Variants in HGF observed in about 807,000 individuals in gnomAD.
HGF encodes hepatocyte growth factor, also known as fibroblast-derived tumor cytotoxic factor.
A neutral mutation model predicts 111.6 loss-of-function variants in HGF; 39 were observed. The observed-to-expected ratio is 0.35, with a 90% confidence interval of 0.27 to 0.46. The LOEUF is 0.46. HGF is among the 20% of genes least tolerant of loss of function. The probability of loss-of-function intolerance (pLI) is 1.00; values close to 1 mark genes in which losing one functional copy is unlikely to be tolerated. For missense variants in HGF, 735 were observed against 910.5 expected, an observed-to-expected ratio of 0.81 and a Z score of 2.48; for synonymous variants, 285 against 294.8, an observed-to-expected ratio of 0.97 and a Z score of 0.34.
intron 15 of HGF, 37 bp downstream of exon 15, chr7:81,706,250 C>A: frequency 1.2e-6 from 2 of 1,600,118 alleles, no homozygotes; most frequent in Non-Finnish European, 1.7e-6. Flanking sequence ...CAATTCTTGT[C>A]CAGGTGAAAA....
chr7:81,736,732 G>A (rs1272030261), intron 7 of HGF: 2 of 476,366 alleles, frequency 4.2e-6, no homozygotes, highest in Admixed American at 2.2e-5. Flanking sequence ...GAAAATCATT[G>A]TGGCTGGAAC....
intron 2 of HGF, among the ~76,000 whole-genome samples, chr7:81,759,407 A>T (rs1331344934): frequency 4.6e-5 from 7 of 152,244 alleles, no homozygotes; most frequent in African/African-American, 1.4e-4. Flanking sequence ...TTTTTGGTGA[A>T]TTATAAAACA....
At position 81,754,950 on chromosome 7, in the gene HGF, G is replaced by A. The variant is rs557205667; in HGVS notation, c.482+2239C>T. On this transcript the variant is annotated intron_variant, in intron 4 of 17. Coordinates refer to ENST00000222390, the MANE Select transcript of HGF (RefSeq NM_000601.6). Reference sequence around the variant, plus strand: ...GGTTCTCTGTCCTTGCTGTTGGCAAGGCTTTAAGAGAGACAAGTGAGGAAA... The same window carrying A: ...GGTTCTCTGTCCTTGCTGTTGGCAAAGCTTTAAGAGAGACAAGTGAGGAAA... Among the ~76,000 whole-genome samples the A allele has an allele frequency of 4.6e-5, 7 of 152,182 alleles. No homozygotes were observed. The East Asian group carries it at 1.4e-3, about 29-fold the overall frequency.
rs141894869 is a variant in HGF at position 81,769,017 on chromosome 7, GTTCCCACTCTTTTA to G, written c.88+853_88+866del. Among the ~76,000 whole-genome samples, 675 of 152,180 alleles carry G rather than the reference GTTCCCACTCTTTTA, an allele frequency of 4.4e-3. 9 individuals carry two copies. Among genetic ancestry groups the G allele is most frequent in the African/African-American group, 0.016 (649 of 41,514 alleles). Reference sequence around the variant, plus strand: ...AGGCCATGTCTCCATCTGGGCATTTGTTCCCACTCTTTTATTCCCCTGCGCCTACCCTTGATATT... The same window carrying G: ...AGGCCATGTCTCCATCTGGGCATTTGTTCCCCTGCGCCTACCCTTGATATT... On this transcript the variant is annotated intron_variant, in intron 1 of 17. Coordinates refer to ENST00000222390, the MANE Select transcript of HGF (RefSeq NM_000601.6).
At chr7:81,735,618 TAA>T (rs1188861251) in intron 7 of HGF, among the ~76,000 whole-genome samples, 2 of 152,152 alleles carry the variant, frequency 1.3e-5, no homozygotes, top group East Asian at 1.9e-4. Flanking sequence ...TATGTTCTTT[TAA>T]AGTTATGTCC....
At chr7:81,722,854 T>TATATATATATACAC (rs1256240012) in intron 9 of HGF, among the ~76,000 whole-genome samples, 2 of 145,664 alleles carry the variant, frequency 1.4e-5, no homozygotes, top group African/African-American at 5.3e-5. Flanking sequence ...GGTATATATA[T>TATATATATATACAC]ATATATATGT....
At position 81,734,252 on chromosome 7, in the gene HGF, G is replaced by T. The variant is rs573172577; in HGVS notation, c.866-4473C>A. On this transcript the variant is annotated intron_variant, in intron 7 of 17. Coordinates refer to ENST00000222390, the MANE Select transcript of HGF (RefSeq NM_000601.6). ...TCCAACAAAGAAAACATTTTGCCAG[G>T]GGTATCAGCAGTGGCTACCCATTGG... is the stretch of plus-strand genomic sequence containing the variant. Among the ~76,000 whole-genome samples, 8 of 152,220 alleles carry T rather than the reference G, an allele frequency of 5.3e-5. No individual in the cohort carries two copies. In the East Asian group the frequency reaches 1.5e-3, roughly 29 times the overall value.
At position 81,729,752 on chromosome 7, in the gene HGF, A is replaced by C. The variant is rs775912518; in HGVS notation, c.893T>G (p.Val298Gly). 4.3e-6 allele frequency: 7 copies of C among 1,613,900 alleles called. No individual in the cohort carries two copies. The highest frequency in any genetic ancestry group is 5.9e-6 in the Non-Finnish European group (7 of 1,179,990). ...CADNTMNDTD[V>G]PLETTECIQG... Reference sequence around the variant, plus strand: ...GATGCATTCAGTTGTTTCCAAAGGAACATCAGTGTCATTCATAGTATTGTC... The same window carrying C: ...GATGCATTCAGTTGTTTCCAAAGGACCATCAGTGTCATTCATAGTATTGTC... Residue 298 changes from valine (V) to glycine (G), a missense_variant, in exon 8 of 18, where the codon GTT (valine) becomes GGT (glycine). Val to Gly is a moderately radical substitution (Grantham distance 109). Around this residue, in one of 3 missense-constraint regions of HGF, gnomAD observed 553 missense variants for 685.6 expected, o/e 0.81. Coordinates refer to ENST00000222390, the MANE Select transcript of HGF (RefSeq NM_000601.6).
intron 8 of HGF, among the ~76,000 whole-genome samples, chr7:81,728,089 T>C (rs1790066854): frequency 6.6e-6 from 1 of 152,216 alleles, no homozygotes; most frequent in African/African-American, 2.4e-5. Context: ...TAATGTTTAA[T>C]AGAGACACGT....
chr7:81,743,456 G>A lies in HGF; in HGVS notation c.762C>T (p.Gly254=), dbSNP rs772684432. 129 of 1,611,144 alleles carry A rather than the reference G, an allele frequency of 8.0e-5. No homozygotes were observed. The East Asian group carries it at 2.8e-3, about 35-fold the overall frequency. ...GATTGCGGCAATAATTATCATCAAA[G>A]CCCTTGTCGGGATATCTGCAAACCA... ...KFLPERYPDK[G]FDDNYCRNPD... The change falls in exon 7 of 18, where the codon GGC becomes GGT. Residue 254 remains glycine, a synonymous_variant. Coordinates refer to ENST00000222390, the MANE Select transcript of HGF (RefSeq NM_000601.6).
At chr7:81,745,726 T>A (rs1788213767) in intron 5 of HGF, among the ~76,000 whole-genome samples, 1 of 152,240 alleles carries the variant, frequency 6.6e-6, no homozygotes, top group African/African-American at 2.4e-5. Context: ...TGGGCAGGTT[T>A]ACATTCCTGT....
chr7:81,738,028 G>A (rs549515875), intron 7 of HGF, among the ~76,000 whole-genome samples: 2 of 152,164 alleles, frequency 1.3e-5, no homozygotes, highest in South Asian at 4.1e-4. Flanking sequence ...GCTAAATGAT[G>A]AGAACACATG....
intron 17 of HGF, 143 bp downstream of exon 17, chr7:81,705,247 A>T: frequency 1.3e-6 from 1 of 749,996 alleles, no homozygotes; most frequent in Non-Finnish European, 2.3e-6. Context: ...GCAGAATATT[A>T]CAGAGTTAAT....
At chr7:81,766,498 G>A (rs1287322240) in intron 1 of HGF, among the ~76,000 whole-genome samples, 1 of 152,010 alleles carries the variant, frequency 6.6e-6, no homozygotes, top group Non-Finnish European at 1.5e-5. Context: ...TTTGCAAATC[G>A]GCAGTCATCT....
chr7:81,743,898 G>T (rs191429527), intron 6 of HGF, among the ~76,000 whole-genome samples: 25 of 152,246 alleles, frequency 1.6e-4, no homozygotes, highest in African/African-American at 4.3e-4. Flanking sequence ...TTTGGAAATA[G>T]AGCCCTTCGA....
rs5745637 is a variant in HGF, at chr7:81,757,553, G to A, written c.368-250C>T. Reference sequence around the variant, plus strand: ...TAGATAGCTCCAGAGAGCAGTCGCTGTACTTAACATAGTCTGTATACTCAG... The same window carrying A: ...TAGATAGCTCCAGAGAGCAGTCGCTATACTTAACATAGTCTGTATACTCAG... On this transcript the variant is annotated intron_variant, in intron 3 of 17. Coordinates refer to ENST00000222390, the MANE Select transcript of HGF (RefSeq NM_000601.6). Among the ~76,000 whole-genome samples the A allele has an allele frequency of 5.7e-3, 871 of 152,236 alleles. 10 individuals are homozygous for A. Among genetic ancestry groups the A allele is most frequent in the South Asian group, 0.046 (222 of 4,824 alleles).
intron 1 of HGF, among the ~76,000 whole-genome samples, chr7:81,763,889 C>T (rs1789224674): frequency 6.6e-6 from 1 of 152,110 alleles, no homozygotes; most frequent in African/African-American, 2.4e-5. Flanking sequence ...AATTAATTGA[C>T]CACTTAGAAG....
Position 81,708,524 on chromosome 7 carries a change from CTTTTTTTT to C in HGF, c.1542-1168_1542-1161del, listed in dbSNP as rs3081099. On this transcript the variant is annotated intron_variant, in intron 13 of 17. Transcript: ENST00000222390. ...TTGAAAGATTTCTCCTTCCTTCCTT[CTTTTTTTT>C]TTTTTTTTTTTTTTTTTTTTGAGAC... 3.4e-3 allele frequency among the ~76,000 whole-genome samples: 244 copies of C among 72,478 alleles called. 2 individuals are homozygous for C. In the East Asian group the frequency reaches 0.051, roughly 15 times the overall value. 47.5% of individuals were successfully genotyped at this position (72,478 alleles called of 152,430 possible).
rs570176654 is a variant in HGF, at chr7:81,718,430, C to T, written c.1272-1065G>A. On this transcript the variant is annotated intron_variant, in intron 10 of 17. Transcript: ENST00000222390. ...TGTAATGTCACATGACTTGCAAACA[C>T]TAGAGCTGGGGTTTGAACCCATGGC... Among the ~76,000 whole-genome samples, 11 of 152,146 alleles carry T rather than the reference C, an allele frequency of 7.2e-5. No individual in the cohort carries two copies. The South Asian group carries it at 2.1e-3, about 29-fold the overall frequency.
Sources: allele counts gnomAD v4.1 joint callset (sites outside exome capture counted in the v4.1 genomes callset), GRCh38; gene constraint gnomAD v4.1.1; regional missense constraint gnomAD v4.1.1; transcripts MANE v1.5; gene names NCBI Gene and HGNC (gene_info 2026-07-23, HGNC 2026-07-21).